DNAH7: variants seen among roughly 807,000 people sequenced by gnomAD.
DNAH7 encodes dynein axonemal heavy chain 7, also known as axonemal beta dynein heavy chain 7.
In DNAH7, 397 loss-of-function variants were observed where a neutral mutation model predicts 444.6. The observed-to-expected ratio is 0.89, with a 90% confidence interval of 0.82 to 0.97. The LOEUF (loss-of-function observed/expected upper bound fraction) is 0.97. Ranked by LOEUF, DNAH7 falls within the 50% of genes least tolerant of loss-of-function variation. DNAH7 has a pLI of 0.00. For synonymous variants in DNAH7, 1,636 were observed against 1,624.4 expected (o/e 1.01, Z -0.17); for missense variants, 4,902 against 4,800.8 (o/e 1.02, Z -0.62).
chr2:196,026,701 A>T (rs1188047286), intron 7 of DNAH7, 59 bp downstream of exon 7: 1 of 1,238,870 alleles, frequency 8.1e-7, no homozygotes, highest in Non-Finnish European at 1.1e-6. Flanking sequence ...ATTAATACAA[A>T]AATAATCTTT....
At chr2:196,057,809 T>C (rs908639801) in intron 2 of DNAH7, among the ~76,000 whole-genome samples, 5 of 152,196 alleles carry the variant, frequency 3.3e-5, no homozygotes, top group African/African-American at 1.2e-4. Flanking sequence ...CAAATTTTAT[T>C]CTGTAAAATC....
chr2:195,906,985 C>A lies in DNAH7; in HGVS notation c.4129G>T (p.Ala1377Ser), dbSNP rs746180121. 8.6e-5 allele frequency: 139 copies of A among 1,612,530 alleles called. No homozygotes were observed. In the East Asian group the frequency reaches 3.1e-3, roughly 36 times the overall value. The change falls in exon 26 of 65, where the codon GCT becomes TCT. Residue 1377 changes from alanine to serine, a missense_variant. Ala to Ser is a moderately conservative substitution (Grantham distance 99, BLOSUM62 1). Coordinates refer to ENST00000312428, the MANE Select transcript of DNAH7 (RefSeq NM_018897.3). ...FKGLLSCGAWACFDEFNRIDL... is the reference protein window; with the variant it reads ...FKGLLSCGAWSCFDEFNRIDL... ...ATTCTGTTAAACTCATCAAAGCAAG[C>A]CCAGGCTCCACAAGATAACAGTCCC... is the stretch of plus-strand genomic sequence containing the variant.
intron 12 of DNAH7, chr2:195,994,873 C>T: frequency 2.4e-6 from 1 of 412,246 alleles, no homozygotes; most frequent in Admixed American, 3.3e-5. Context: ...TTTTGACAGG[C>T]CTTGACATTG....
chr2:195,754,256 C>CA (rs1693957719), intron 63 of DNAH7, 81 bp downstream of exon 63: 1 of 1,368,272 alleles, frequency 7.3e-7, no homozygotes, highest in Admixed American at 2.3e-5. Flanking sequence ...ACTTTTTTAA[C>CA]AGCTGAGGAA....
At chr2:195,778,711 TATATACACATATATATATACAC>T (rs1215948432) in intron 58 of DNAH7, among the ~76,000 whole-genome samples, 3 of 49,868 alleles carry the variant, frequency 6.0e-5, no homozygotes, top group East Asian at 5.4e-3. Context: ...TATACACATA[TATATACACATATATATATACAC>T]ATATATATAT....
intron 12 of DNAH7, chr2:195,995,633 T>C: frequency 3.9e-6 from 1 of 257,140 alleles, no homozygotes; most frequent in Non-Finnish European, 7.7e-6. Context: ...AACAGACCAG[T>C]GGTGTGGGGG....
At chr2:195,925,450 C>T (rs983465620) in intron 22 of DNAH7, among the ~76,000 whole-genome samples, 3 of 152,132 alleles carry the variant, frequency 2.0e-5, no homozygotes, top group Non-Finnish European at 2.9e-5. Context: ...CACCCAAGGG[C>T]CCAAAAGTAA....
chr2:195,913,743 C>T (rs553816964), intron 24 of DNAH7, among the ~76,000 whole-genome samples: 2 of 152,290 alleles, frequency 1.3e-5, no homozygotes, highest in South Asian at 4.1e-4. Context: ...GAGACGGAGT[C>T]TCGCTCTGTC....
intron 64 of DNAH7, among the ~76,000 whole-genome samples, chr2:195,740,079 G>T (rs1046147614): frequency 3.9e-5 from 6 of 152,114 alleles, no homozygotes; most frequent in Non-Finnish European, 5.9e-5. Flanking sequence ...CACCTCCCAG[G>T]TTCAAGCGAT....
intron 54 of DNAH7, among the ~76,000 whole-genome samples, chr2:195,804,371 A>G (rs1243359805): frequency 6.6e-6 from 1 of 152,216 alleles, no homozygotes; most frequent in African/African-American, 2.4e-5. Context: ...CAGTAAAATT[A>G]AAGGGTTTGA....
At chr2:195,778,637 T>TA (rs1296291397) in intron 58 of DNAH7, among the ~76,000 whole-genome samples, 1 of 36,108 alleles carries the variant, frequency 2.8e-5, no homozygotes, top group Admixed American at 4.3e-4. Context: ...AAAAAATAAA[T>TA]AAATAAATAT....
intron 15 of DNAH7, among the ~76,000 whole-genome samples, chr2:195,983,604 G>A (rs1006222546): frequency 1.3e-5 from 2 of 152,132 alleles, no homozygotes; most frequent in African/African-American, 4.8e-5. Flanking sequence ...CCTCCTACTA[G>A]GCCCCACCTC....
chr2:196,010,338 T>C (rs1028064158), intron 10 of DNAH7, among the ~76,000 whole-genome samples: 1 of 152,048 alleles, frequency 6.6e-6, no homozygotes, highest in South Asian at 2.1e-4. Context: ...TTAGTAGAGA[T>C]AGGGTTTCAC....
At position 195,895,013 on chromosome 2, in the gene DNAH7, C is replaced by T. The variant is rs199860028; in HGVS notation, c.4859G>A (p.Arg1620His). 8.7e-6 allele frequency: 14 copies of T among 1,611,914 alleles called. No individual in the cohort carries two copies. The highest frequency in any genetic ancestry group is 5.3e-5 in the African/African-American group (4 of 75,012). ...ATCATTTAGTGCTCCAGCTAAGACA[C>T]GATATGCACTAGTTTTTCCTCCAAA... ...EPFGGKTSAYRVLAGALNDIC... is the reference protein window; with the variant it reads ...EPFGGKTSAYHVLAGALNDIC... Residue 1620 changes from arginine to histidine, a missense_variant, in exon 30 of 65, where the codon CGT (arginine) becomes CAT (histidine). Coordinates refer to ENST00000312428, the MANE Select transcript of DNAH7 (RefSeq NM_018897.3).
At chr2:195,853,039 T>A (rs541980481) in intron 46 of DNAH7, among the ~76,000 whole-genome samples, 31 of 152,146 alleles carry the variant, frequency 2.0e-4, no homozygotes, top group East Asian at 9.7e-4. Context: ...TTAAAAAAAA[T>A]TTTATTTTTA....
chr2:195,871,858 G>C (rs1475273816), intron 40 of DNAH7, among the ~76,000 whole-genome samples: 2 of 94,292 alleles, frequency 2.1e-5, no homozygotes, highest in Non-Finnish European at 3.8e-5. Context: ...GTGAACCCGG[G>C]AGGTGGAGCT....
intron 5 of DNAH7, among the ~76,000 whole-genome samples, chr2:196,029,728 C>T (rs1695920100): frequency 3.3e-5 from 5 of 152,018 alleles, no homozygotes; most frequent in Admixed American, 3.3e-4. Context: ...AAGAATTTGC[C>T]CTTCCATATG....
At chr2:195,988,289 T>C (rs1693061420) in intron 12 of DNAH7, 60 bp from the exon 13 acceptor site, 1 of 1,380,146 alleles carries the variant, frequency 7.2e-7, no homozygotes, top group Non-Finnish European at 9.7e-7. Context: ...ATATCATTTA[T>C]CTTTGTACAA....
Position 195,864,829 on chromosome 2 carries a change from G to A in DNAH7, c.6826C>T (p.Pro2276Ser), listed in dbSNP as rs746846358. 6 of 1,614,158 alleles carry A rather than the reference G, an allele frequency of 3.7e-6. No homozygotes were observed. Among genetic ancestry groups the A allele is most frequent in the African/African-American group, 1.3e-5 (1 of 75,046 alleles). ...CTGTAGTTGGTATCCTCCCTCTTGG[G>A]ATCATGGAAATCACAAAACATTAAG... The part of the protein sequence containing the change: ...RSLMFCDFHD[P>S]KREDTNYREI... The change falls in exon 41 of 65, where the codon CCC becomes TCC. Residue 2276 changes from proline (P) to serine (S), a missense_variant. Transcript: ENST00000312428.
Sources: gnomAD v4.1 joint callset for allele counts (sites outside exome capture counted in the v4.1 genomes callset) on GRCh38, gnomAD v4.1.1 for gene constraint, MANE v1.5 for transcripts, NCBI Gene and HGNC (gene_info 2026-07-23, HGNC 2026-07-21) for gene names.